Variants in SV2B observed in about 807,000 individuals in gnomAD.
SV2B encodes the protein synaptic vesicle glycoprotein 2B.
A neutral mutation model predicts 73.9 loss-of-function variants in SV2B; 41 were observed. That is an observed-to-expected ratio of 0.56 (90% CI 0.43 to 0.72). SV2B has a LOEUF of 0.72. Among genes scored for constraint, SV2B ranks in the 30% least tolerant of loss-of-function variants. The probability of loss-of-function intolerance (pLI) is 0.00; values close to 1 mark genes in which losing one functional copy is unlikely to be tolerated. For missense variants in SV2B, 764 were observed against 857.8 expected (o/e 0.89, Z 1.37); for synonymous variants, 314 against 314.2 (o/e 1.00, Z 0.01).
At chr15:91,277,636 T>C (rs1163695845) in intron 9 of SV2B, among the ~76,000 whole-genome samples, 1 of 152,240 alleles carries the variant, frequency 6.6e-6, no homozygotes, top group Non-Finnish European at 1.5e-5. Flanking sequence ...TTTTTAGTAG[T>C]TTATTTTTAT....
In SV2B at chr15:91,268,321, TAATG is replaced by T; in HGVS notation, c.1209-117_1209-114del. On this transcript the variant is annotated intron_variant, in intron 8 of 12. Coordinates refer to ENST00000394232, the MANE Select transcript of SV2B (RefSeq NM_001323032.3). This position sits in a 1 kb window ranked among gnomAD's most constrained non-coding sequence, Gnocchi z 4.4. Reference sequence around the variant, plus strand: ...GGATTTATATTGTCAGATTTTCTAATAATGAACCAAATTAATGTATTTTCAATGA... The same window carrying T: ...GGATTTATATTGTCAGATTTTCTAATAACCAAATTAATGTATTTTCAATGA... 1 of 1,048,818 alleles carries T rather than the reference TAATG, an allele frequency of 9.5e-7. No individual in the cohort carries two copies. 65.0% of individuals were successfully genotyped at this position (1,048,818 alleles called of 1,614,324 possible).
intron 1 of SV2B, among the ~76,000 whole-genome samples, chr15:91,108,958 A>G (rs1313472747): frequency 1.3e-5 from 2 of 152,080 alleles, no homozygotes; most frequent in Non-Finnish European, 2.9e-5. Context: ...TGTTCCCTTC[A>G]GTTGTTAGAG....
rs893899434 is a variant in SV2B at position 91,241,676 on chromosome 15, C to T, written c.452-10143C>T. On this transcript the variant is annotated intron_variant, in intron 2 of 12. Coordinates refer to ENST00000394232, the MANE Select transcript of SV2B (RefSeq NM_001323032.3). This position sits in a 1 kb window ranked among gnomAD's most constrained non-coding sequence, Gnocchi z 4.8. The stretch of plus-strand genomic sequence containing the variant: ...TTCCTCGCTGCCTCTGTGCTGACCC[C>T]GTATTCTTGTGACAGTGGAGGAGGT... Among the ~76,000 whole-genome samples the T allele has an allele frequency of 6.6e-6, 1 of 152,142 alleles. No homozygotes were observed. Among genetic ancestry groups the T allele is most frequent in the African/African-American group, 2.4e-5 (1 of 41,418 alleles).
rs2047063515 is a variant in SV2B, at chr15:91,242,609, G to A, written c.452-9210G>A. The stretch of plus-strand genomic sequence containing the variant: ...CAAAGAACATTCTAGATAGAGGAAA[G>A]AGCAGTGTGAAGACTCTGAGGTGGG... On this transcript the variant is annotated intron_variant, in intron 2 of 12. Transcript: ENST00000394232. This position sits in a 1 kb window ranked among gnomAD's most constrained non-coding sequence, Gnocchi z 4.9. Among the ~76,000 whole-genome samples, 1 of 152,196 alleles carries A rather than the reference G, an allele frequency of 6.6e-6. No homozygotes were observed. Among genetic ancestry groups the A allele is most frequent in the East Asian group, 1.9e-4 (1 of 5,196 alleles).
intron 1 of SV2B, among the ~76,000 whole-genome samples, chr15:91,180,288 T>G (rs1311631257): frequency 6.6e-6 from 1 of 152,246 alleles, no homozygotes; most frequent in Non-Finnish European, 1.5e-5. Flanking sequence ...GGCTTCCCTT[T>G]GTGGGTAACC....
rs1047147111 is a variant in SV2B at position 91,130,633 on chromosome 15, G to A, written c.-392+30270G>A. The stretch of plus-strand genomic sequence containing the variant: ...GTTCACGGAGGACAGGGACCAAGAG[G>A]AAGCTCCTGCGTGTCAGTCAGGATG... On this transcript the variant is annotated intron_variant, in intron 1 of 12. Coordinates refer to ENST00000394232, the MANE Select transcript of SV2B (RefSeq NM_001323032.3). The surrounding 1 kb of genome is among the most constrained non-coding windows in gnomAD (Gnocchi z 5.6). Among the ~76,000 whole-genome samples the A allele has an allele frequency of 7.2e-5, 11 of 152,120 alleles. No individual in the cohort carries two copies. Among genetic ancestry groups the A allele is most frequent in the African/African-American group, 4.8e-5 (2 of 41,416 alleles).
At chr15:91,126,044 A>G (rs768647864) in intron 1 of SV2B, among the ~76,000 whole-genome samples, 11 of 152,150 alleles carry the variant, frequency 7.2e-5, no homozygotes, top group Non-Finnish European at 1.6e-4. Context: ...TAAAGAAAGA[A>G]CACATCTAGC....
At position 91,283,254 on chromosome 15, in the gene SV2B, G is replaced by T. The variant is rs1312815885; in HGVS notation, c.1508-767G>T. On this transcript the variant is annotated intron_variant, in intron 10 of 12. Transcript: ENST00000394232. The surrounding 1 kb of genome is among the most constrained non-coding windows in gnomAD (Gnocchi z 4.3). ...CAAATGGCTTTTATTTTTTAAGAAT[G>T]TTCAGGTTTTGGCACAGACTACAGC... Among the ~76,000 whole-genome samples, 1 of 152,206 alleles carries T rather than the reference G, an allele frequency of 6.6e-6. No individual in the cohort carries two copies. Among genetic ancestry groups the T allele is most frequent in the Non-Finnish European group, 1.5e-5 (1 of 68,030 alleles).
intron 1 of SV2B, among the ~76,000 whole-genome samples, chr15:91,144,370 C>T (rs1273067783): frequency 6.6e-6 from 1 of 152,146 alleles, no homozygotes; most frequent in Non-Finnish European, 1.5e-5. Flanking sequence ...CCTTGGGTAA[C>T]ATGCTGCCCA....
rs1246624726 is a variant in SV2B at position 91,123,918 on chromosome 15, C to A, written c.-392+23555C>A. Among the ~76,000 whole-genome samples the A allele has an allele frequency of 6.6e-6, 1 of 152,208 alleles. No individual in the cohort carries two copies. Among genetic ancestry groups the A allele is most frequent in the African/African-American group, 2.4e-5 (1 of 41,454 alleles). ...GTGTCCCAGGCATATCTATAAATTACTCCCTTACCTAGAAATCACCTGGCA... is the reference window on the plus strand; with the variant it reads ...GTGTCCCAGGCATATCTATAAATTAATCCCTTACCTAGAAATCACCTGGCA... On this transcript the variant is annotated intron_variant, in intron 1 of 12. Transcript: ENST00000394232. The surrounding 1 kb of genome is among the most constrained non-coding windows in gnomAD (Gnocchi z 4.7).
chr15:91,128,747 G>C lies in SV2B; in HGVS notation c.-392+28384G>C, dbSNP rs2042559830. ...GGTCCTAAGACTCTCAGTCCAGAGA[G>C]GGCCCTGCCCCACACCCAGAAGGAA... On this transcript the variant is annotated intron_variant, in intron 1 of 12. Transcript: ENST00000394232. The surrounding 1 kb of genome is among the most constrained non-coding windows in gnomAD (Gnocchi z 4.2). The C allele has an allele frequency of 6.6e-6, 1 of 152,344 alleles. No individual in the cohort carries two copies. Among genetic ancestry groups the C allele is most frequent in the Non-Finnish European group, 1.5e-5 (1 of 68,174 alleles). 9.4% of individuals were successfully genotyped at this position (152,344 alleles called of 1,614,324 possible).
At chr15:91,255,221 G>A (rs1207142938) in intron 4 of SV2B, among the ~76,000 whole-genome samples, 1 of 152,168 alleles carries the variant, frequency 6.6e-6, no homozygotes, top group Admixed American at 6.5e-5. Context: ...AAAGAATTCA[G>A]GTTGGGGACA....
At chr15:91,186,599 T>A (rs1265318061) in intron 1 of SV2B, among the ~76,000 whole-genome samples, 3 of 152,218 alleles carry the variant, frequency 2.0e-5, no homozygotes, top group Admixed American at 6.5e-5. Flanking sequence ...TTTGGAAATG[T>A]GAAAAGATCC....
At chr15:91,222,677 C>T (rs1377963657) in intron 1 of SV2B, among the ~76,000 whole-genome samples, 1 of 152,204 alleles carries the variant, frequency 6.6e-6, no homozygotes, top group Non-Finnish European at 1.5e-5. Flanking sequence ...TCATCCCTAA[C>T]ATTCTGTTTG....
intron 1 of SV2B, among the ~76,000 whole-genome samples, chr15:91,216,413 G>T (rs1172610145): frequency 6.6e-6 from 1 of 152,170 alleles, no homozygotes; most frequent in Non-Finnish European, 1.5e-5. Flanking sequence ...ATGGCTCTGT[G>T]TGTGTCCAAA....
intron 1 of SV2B, among the ~76,000 whole-genome samples, chr15:91,114,549 G>C (rs1159679205): frequency 6.6e-6 from 1 of 152,190 alleles, no homozygotes; most frequent in African/African-American, 2.4e-5. Flanking sequence ...AGGGACCCAA[G>C]GGGTCCGTTT....
chr15:91,133,252 A>G (rs2042711817), intron 1 of SV2B, among the ~76,000 whole-genome samples: 1 of 152,258 alleles, frequency 6.6e-6, no homozygotes, highest in African/African-American at 2.4e-5. Context: ...AAAAAACAGC[A>G]TTTCCTGTTG....
intron 1 of SV2B, among the ~76,000 whole-genome samples, chr15:91,170,591 T>C (rs2044089198): frequency 6.6e-6 from 1 of 152,218 alleles, no homozygotes; most frequent in African/African-American, 2.4e-5. Flanking sequence ...CCAGCCTGAT[T>C]TGTTAGATTT....
At chr15:91,160,498 C>G (rs2043674694) in intron 1 of SV2B, among the ~76,000 whole-genome samples, 1 of 152,182 alleles carries the variant, frequency 6.6e-6, no homozygotes. Flanking sequence ...GTCCCAGCTA[C>G]TGGGGAGGCT....
Sources: gnomAD v4.1 joint callset for allele counts (sites outside exome capture counted in the v4.1 genomes callset) on GRCh38, gnomAD v4.1.1 for gene constraint, Gnocchi (gnomAD v3.1) non-coding constraint, MANE v1.5 for transcripts, NCBI Gene and HGNC (gene_info 2026-07-23, HGNC 2026-07-21) for gene names.